Variants in NDUFA11 observed in about 807,000 individuals in gnomAD.
NDUFA11 encodes NADH:ubiquinone oxidoreductase subunit A11.
A neutral mutation model predicts 11.3 loss-of-function variants in NDUFA11; 14 were observed. The observed-to-expected ratio is 1.24, with a 90% CI of 0.82 to 1.94. The LOEUF is 1.94. Among genes scored for constraint, NDUFA11 ranks in the 30% most tolerant of loss-of-function variants. The probability of loss-of-function intolerance (pLI) is 0.00; values close to 1 mark genes in which losing one functional copy is unlikely to be tolerated. For missense variants in NDUFA11, 204 were observed against 200.3 expected (o/e 1.02, Z -0.11); for synonymous variants, 87 against 85.6 (o/e 1.02, Z -0.09).
intron 3 of NDUFA11, chr19:5,895,292 T>C: frequency 5.6e-6 from 1 of 178,064 alleles, no homozygotes; most frequent in East Asian, 1.5e-4. Context: ...TTCTCCAGGC[T>C]CTCCTGCTCC....
Position 5,894,833 on chromosome 19 carries a change from G to A in NDUFA11, c.335C>T (p.Ala112Val), listed in dbSNP as rs750297496. ...TATGCCAAAGTACACGCAGGCGGCGGCGCCAATCCCGTAGTTGTGCGCTGT... is the reference window on the plus strand; with the variant it reads ...TATGCCAAAGTACACGCAGGCGGCGACGCCAATCCCGTAGTTGTGCGCTGT... ...GARTHNYGIG[A>V]AACVYFGIAA... The change falls in exon 4 of 4, where the codon GCC (alanine) becomes GTC (valine). Residue 112 changes from alanine (A) to valine (V), a missense_variant. Transcript: ENST00000308961. 3 of 1,611,230 alleles carry A rather than the reference G, an allele frequency of 1.9e-6. No individual in the cohort carries two copies. Among genetic ancestry groups the A allele is most frequent in the Admixed American group, 1.7e-5 (1 of 59,710 alleles).
In NDUFA11 at chr19:5,897,017, G is replaced by A. The variant is rs1182858829; in HGVS notation, c.98-20C>T. 9 of 1,603,462 alleles carry A rather than the reference G, an allele frequency of 5.6e-6. No individual in the cohort carries two copies. The highest frequency in any genetic ancestry group is 2.2e-5 in the South Asian group (2 of 90,860). ...TCAGGCCTGCGAGACAGAGGAGGGA[G>A]GCTGTTCAGACCCCACTGCTGCTAA... On this transcript the variant is annotated intron_variant, in intron 1 of 3. Coordinates refer to ENST00000308961, the MANE Select transcript of NDUFA11 (RefSeq NM_175614.5).
intron 1 of NDUFA11, among the ~76,000 whole-genome samples, chr19:5,899,052 C>G (rs2057627918): frequency 6.6e-6 from 1 of 151,534 alleles, no homozygotes. Flanking sequence ...CTCAGTCACA[C>G]TTCAGTCAGT....
chr19:5,892,741 GAC>G (rs2057585221), downstream of NDUFA11: 1 of 849,436 alleles, frequency 1.2e-6, no homozygotes, highest in Non-Finnish European at 1.7e-6. Flanking sequence ...CCGCAGTAGA[GAC>G]AGAGGCCGGT....
intron 3 of NDUFA11, 55 bp from the exon 4 acceptor site, chr19:5,894,909 C>T (rs1007589744): frequency 1.7e-5 from 26 of 1,530,616 alleles, no homozygotes; most frequent in African/African-American, 8.2e-5. Context: ...CGGACCAAGA[C>T]GCTCCACGCC....
intron 1 of NDUFA11, among the ~76,000 whole-genome samples, chr19:5,900,855 A>T (rs919432865): frequency 6.6e-6 from 1 of 151,262 alleles, no homozygotes; most frequent in African/African-American, 2.4e-5. Flanking sequence ...AGGTTGCAGT[A>T]AGCCAAGATC....
At chr19:5,894,614 C>A, downstream of NDUFA11, 1 of 1,532,896 alleles carries the variant, frequency 6.5e-7, no homozygotes, top group Non-Finnish European at 8.8e-7. Flanking sequence ...TCCTCACTCC[C>A]TCCCAGATCC....
At position 5,903,712 on chromosome 19, in the gene NDUFA11, C is replaced by T. The variant is rs372426428; in HGVS notation, c.-4G>A. On this transcript the variant is annotated 5_prime_UTR_variant, in exon 1 of 4. Coordinates refer to ENST00000308961, the MANE Select transcript of NDUFA11 (RefSeq NM_175614.5). ...GACGAAAAACCTTCGGCGCCATAGC[C>T]CGCAATCTCGATCCCGCACCACGGA... 2.6e-6 allele frequency: 4 copies of T among 1,551,340 alleles called. No individual in the cohort carries two copies. The highest frequency in any genetic ancestry group is 2.7e-5 in the African/African-American group (2 of 73,064).
chr19:5,896,308 G>A lies in NDUFA11; in HGVS notation c.313+145C>T, dbSNP rs1372249864. On this transcript the variant is annotated intron_variant, in intron 3 of 3. Transcript: ENST00000308961. The surrounding 1 kb of genome is among the most constrained non-coding windows in gnomAD (Gnocchi z 5.8). ...AGGTGCTTAAGCAGCAGCAGCAGCT[G>A]TCGCTATGACTGAAATGGCTGGTGT... 1 of 982,704 alleles carries A rather than the reference G, an allele frequency of 1.0e-6. No individual in the cohort carries two copies. The highest frequency in any genetic ancestry group is 1.6e-5 in the African/African-American group (1 of 61,540). 60.9% of individuals were successfully genotyped at this position (982,704 alleles called of 1,614,324 possible).
chr19:5,895,146 G>A, intron 3 of NDUFA11: 2 of 441,216 alleles, frequency 4.5e-6, no homozygotes, highest in Non-Finnish European at 8.3e-6. Flanking sequence ...CCCAGCTGGG[G>A]CTGGGGCAAG....
chr19:5,902,995 A>T (rs533610660), intron 1 of NDUFA11, among the ~76,000 whole-genome samples: 9 of 127,394 alleles, frequency 7.1e-5, no homozygotes, highest in Non-Finnish European at 1.1e-4. Flanking sequence ...CGGGCGACAG[A>T]GCAAGGCTCT....
chr19:5,903,554 A>G (rs2144964276), intron 1 of NDUFA11, 58 bp downstream of exon 1: 1 of 1,489,978 alleles, frequency 6.7e-7, no homozygotes, highest in East Asian at 2.5e-5. Flanking sequence ...GCCCCCAGTA[A>G]CCCCACGACC....
At position 5,896,176 on chromosome 19, in the gene NDUFA11, G is replaced by A. The variant is rs552789331; in HGVS notation, c.313+277C>T. On this transcript the variant is annotated intron_variant, in intron 3 of 3. Transcript: ENST00000308961. This position sits in a 1 kb window ranked among gnomAD's most constrained non-coding sequence, Gnocchi z 5.8. ...TGCCCATGCAAAGGCCCTGGGGCAG[G>A]ACTGTACCTGGCATGTGGGAGGAGC... 6 of 596,956 alleles carry A rather than the reference G, an allele frequency of 1.0e-5. No individual in the cohort carries two copies. In the East Asian group the frequency reaches 1.7e-4, roughly 17 times the overall value. 37.0% of individuals were successfully genotyped at this position (596,956 alleles called of 1,614,324 possible).
At chr19:5,901,270 G>A in intron 1 of NDUFA11, 5 of 1,239,688 alleles carry the variant, frequency 4.0e-6, no homozygotes, top group Non-Finnish European at 5.2e-6. Context: ...GTCTTTCTCA[G>A]TTTCAGATCC....
At chr19:5,901,399 C>G in intron 1 of NDUFA11, 1 of 1,287,108 alleles carries the variant, frequency 7.8e-7, no homozygotes, top group Non-Finnish European at 1.0e-6. Flanking sequence ...GACTTGCAGC[C>G]CAGCTTCAAA....
In NDUFA11 at chr19:5,903,750, G is replaced by C. The variant is rs750563957; in HGVS notation, c.-42C>G. The C allele has an allele frequency of 6.5e-7, 1 of 1,545,042 alleles. No homozygotes were observed. Among genetic ancestry groups the C allele is most frequent in the Non-Finnish European group, 8.8e-7 (1 of 1,141,466 alleles). On this transcript the variant is annotated 5_prime_UTR_variant, in exon 1 of 4. Transcript: ENST00000308961. ...CCCGCACCACGGACCCCGCCAGCTCGGGAAGCGCAAGGGCAGCCGCGGCTG... is the reference window on the plus strand; with the variant it reads ...CCCGCACCACGGACCCCGCCAGCTCCGGAAGCGCAAGGGCAGCCGCGGCTG...
intron 1 of NDUFA11, among the ~76,000 whole-genome samples, chr19:5,897,630 C>A (rs1454292669): frequency 6.6e-6 from 1 of 152,246 alleles, no homozygotes; most frequent in African/African-American, 2.4e-5. Context: ...GCCGCCCCCG[C>A]CACCCAGCCT....
chr19:5,900,612 G>A (rs2057638859), intron 1 of NDUFA11, among the ~76,000 whole-genome samples: 1 of 152,156 alleles, frequency 6.6e-6, no homozygotes, highest in Non-Finnish European at 1.5e-5. Flanking sequence ...GAGTGGAGCT[G>A]GTCACTGAAG....
downstream of NDUFA11, among the ~76,000 whole-genome samples, chr19:5,894,101 A>G (rs2057592810): frequency 6.6e-6 from 1 of 152,168 alleles, no homozygotes; most frequent in African/African-American, 2.4e-5. Context: ...AGGGATCGCA[A>G]TTCTTTCCCT....
Sources: allele counts gnomAD v4.1 joint callset (sites outside exome capture counted in the v4.1 genomes callset), GRCh38; gene constraint gnomAD v4.1.1; non-coding constraint Gnocchi (gnomAD v3.1); transcripts MANE v1.5; gene names NCBI Gene and HGNC (gene_info 2026-07-23, HGNC 2026-07-21).